The following ELAC2 variants were observed in gnomAD, a reference collection of about 807,000 sequenced individuals.
ELAC2 encodes elaC ribonuclease Z 2, also known as zinc phosphodiesterase ELAC protein 2.
Under a neutral mutation model 105.2 loss-of-function variants are expected in ELAC2, and 92 were observed. The observed-to-expected ratio is 0.87, with a 90% CI of 0.74 to 1.04. ELAC2 has a LOEUF of 1.04. ELAC2 is among the 50% of genes least tolerant of loss of function. The probability of loss-of-function intolerance (pLI) is 0.00; values close to 1 mark genes in which losing one functional copy is unlikely to be tolerated. For synonymous variants in ELAC2, 468 were observed against 409.1 expected (o/e 1.14, Z -1.74); for missense variants, 1,099 against 1,071.7 (o/e 1.03, Z -0.36).
chr17:13,006,914 G>A (rs2041140943), intron 8 of ELAC2, among the ~76,000 whole-genome samples: 1 of 151,980 alleles, frequency 6.6e-6, no homozygotes, highest in African/African-American at 2.4e-5. Flanking sequence ...GAGGTCAGGA[G>A]ATCAAGACCA....
rs941544472 is a variant in ELAC2, at chr17:12,994,840, A to G, written c.1953T>C (p.Cys651=). ...LVRHCKHAFG[C]ALVHTSGWKV... ...TCCAGCCAGAGGTGTGCACCAGCGC[A>G]CAGCCAAACGCATGCTTGCAGTGCC... The change falls in exon 21 of 24, where the codon TGT becomes TGC. Residue 651 remains cysteine (C), a synonymous_variant. Coordinates refer to ENST00000338034, the MANE Select transcript of ELAC2 (RefSeq NM_018127.7). 6.2e-7 allele frequency: 1 copy of G among 1,613,946 alleles called. No homozygotes were observed. Among genetic ancestry groups the G allele is most frequent in the Non-Finnish European group, 8.5e-7 (1 of 1,180,046 alleles).
rs1064795330 is a variant in ELAC2, at chr17:13,017,992, C to CCCGCGTTTCCCGTGCACCACCTAG, written c.-69_-46dup. ...CTGAGAAAGCCGCCGGTCACCTACG[C>CCCGCGTTTCCCGTGCACCACCTAG]CCGCGTTTCCCGTGCACCACCTAGC... On this transcript the variant is annotated 5_prime_UTR_variant, in exon 1 of 24. Transcript: ENST00000338034. 6.5e-7 allele frequency: 1 copy of CCCGCGTTTCCCGTGCACCACCTAG among 1,533,858 alleles called. No individual in the cohort carries two copies. The highest frequency in any genetic ancestry group is 8.7e-7 in the Non-Finnish European group (1 of 1,146,566).
In ELAC2 at chr17:12,998,437, C is replaced by T; in HGVS notation, c.1495G>A (p.Val499Ile). 1 of 1,614,224 alleles carries T rather than the reference C, an allele frequency of 6.2e-7. No individual in the cohort carries two copies. Among genetic ancestry groups the T allele is most frequent in the Non-Finnish European group, 8.5e-7 (1 of 1,180,028 alleles). Reference sequence around the variant, plus strand: ...CTTATGTTGACAAGTGTGGCACTGACATTTCGAATCTTCATCGGGATGGCA... The same window carrying T: ...CTTATGTTGACAAGTGTGGCACTGATATTTCGAATCTTCATCGGGATGGCA... ...GSAIPMKIRN[V>I]SATLVNISPD... Residue 499 changes from valine to isoleucine, a missense_variant, in exon 16 of 24, where the codon GTC becomes ATC. Coordinates refer to ENST00000338034, the MANE Select transcript of ELAC2 (RefSeq NM_018127.7).
chr17:13,006,116 A>T, intron 8 of ELAC2, 137 bp from the exon 9 acceptor site: 1 of 888,200 alleles, frequency 1.1e-6, no homozygotes, highest in Admixed American at 2.0e-5. Context: ...CACGCCTGTA[A>T]TTCCAGTACT....
intron 11 of ELAC2, among the ~76,000 whole-genome samples, chr17:13,004,353 A>T (rs2040990868): frequency 6.6e-6 from 1 of 152,246 alleles, no homozygotes; most frequent in African/African-American, 2.4e-5. Context: ...GGTAAGTAGA[A>T]AAAAACAAGT....
chr17:12,999,045 C>G (rs1439249730), intron 15 of ELAC2, among the ~76,000 whole-genome samples: 1 of 152,120 alleles, frequency 6.6e-6, no homozygotes, highest in Non-Finnish European at 1.5e-5. Flanking sequence ...ATAGTTCTAT[C>G]CAGCTTCCCA....
At chr17:13,012,892 CA>C (rs1368209623) in intron 6 of ELAC2, among the ~76,000 whole-genome samples, 3 of 152,102 alleles carry the variant, frequency 2.0e-5, no homozygotes, top group Admixed American at 2.0e-4. Flanking sequence ...ATCGTCTGAT[CA>C]AAAGAGGGTA....
intron 1 of ELAC2, 151 bp downstream of exon 1, chr17:13,017,552 G>T: frequency 1.4e-6 from 2 of 1,397,442 alleles, no homozygotes; most frequent in Non-Finnish European, 1.9e-6. Flanking sequence ...AAAGAATCTC[G>T]GATTTCCCAC....
chr17:13,008,450 T>G (rs1246674344), intron 8 of ELAC2, among the ~76,000 whole-genome samples: 1 of 151,894 alleles, frequency 6.6e-6, no homozygotes, highest in Non-Finnish European at 1.5e-5. Flanking sequence ...AGGCAGAGGT[T>G]GCAGTGAGCC....
chr17:13,003,471 C>G lies in ELAC2; in HGVS notation c.1079+8G>C. On this transcript the variant is annotated splice_region_variant and intron_variant, in intron 12 of 23. Transcript: ENST00000338034. ...TTACCCCAAGTGCCGCTGGGCTGGGCTCCATACCTCTCCATCCACTGCTGG... is the reference window on the plus strand; with the variant it reads ...TTACCCCAAGTGCCGCTGGGCTGGGGTCCATACCTCTCCATCCACTGCTGG... The G allele has an allele frequency of 1.2e-6, 2 of 1,613,976 alleles. No individual in the cohort carries two copies. The highest frequency in any genetic ancestry group is 1.7e-6 in the Non-Finnish European group (2 of 1,179,840).
At chr17:12,993,902 AC>A (rs1785739601) in intron 22 of ELAC2, 71 bp from the exon 23 acceptor site, 2 of 1,608,450 alleles carry the variant, frequency 1.2e-6, no homozygotes, top group Non-Finnish European at 1.7e-6. Flanking sequence ...AGTGGCACAG[AC>A]CCTGGCCATC....
chr17:13,005,017 GTTGAATGAAGCTTT>G lies in ELAC2; in HGVS notation c.941_954del (p.Glu314AlafsTer4). ...TGAAAGGTGGCATTCTCACAGATGGGTTGAATGAAGCTTTCATCTGGACATTCTACCACCACAAA... is the reference window on the plus strand; with the variant it reads ...TGAAAGGTGGCATTCTCACAGATGGGCATCTGGACATTCTACCACCACAAA... On this transcript the variant is annotated frameshift_variant, in exon 11 of 24. Coordinates refer to ENST00000338034, the MANE Select transcript of ELAC2 (RefSeq NM_018127.7). LOFTEE classifies it high-confidence loss of function. The G allele has an allele frequency of 6.2e-7, 1 of 1,614,076 alleles. No homozygotes were observed. The highest frequency in any genetic ancestry group is 8.5e-7 in the Non-Finnish European group (1 of 1,179,964).
chr17:12,995,204 C>A lies in ELAC2; in HGVS notation c.1809-142G>T, dbSNP rs571928216. 20 of 932,522 alleles carry A rather than the reference C, an allele frequency of 2.1e-5. 1 individual carries two copies. The South Asian group carries it at 2.8e-4, about 13-fold the overall frequency. The allele number at this position is 932,522 out of a possible 1,614,324, so 57.8% of individuals were successfully genotyped here. A position where few individuals can be genotyped will look rare whatever the true frequency, so the allele number is the denominator to read the frequency against. ...AATCATAGTCACTATGATGAGGAAA[C>A]AGCAGTCAAATATAAAGAGCCAAAC... On this transcript the variant is annotated intron_variant, in intron 19 of 23. Transcript: ENST00000338034.
chr17:13,011,288 T>G (rs1683329135), intron 7 of ELAC2, among the ~76,000 whole-genome samples: 1 of 152,260 alleles, frequency 6.6e-6, no homozygotes. Context: ...TCTCACTGAT[T>G]TGACTGTCTC....
intron 3 of ELAC2, 82 bp downstream of exon 3, chr17:13,016,780 C>A: frequency 3.4e-6 from 5 of 1,461,324 alleles, no homozygotes; most frequent in Non-Finnish European, 4.8e-6. Flanking sequence ...AGCTGCCCAC[C>A]CCAGACTTGG....
In ELAC2 at chr17:12,992,647, A is replaced by AGAC. The variant is rs1236772376; in HGVS notation, c.*168_*170dup. ...GGCACCAGTCCTAAGAGGCATCTAT[A>AGAC]GACTAGTGCTTATGTGGGAGCCCAA... On this transcript the variant is annotated 3_prime_UTR_variant, in exon 24 of 24. Transcript: ENST00000338034. 18 of 721,520 alleles carry AGAC rather than the reference A, an allele frequency of 2.5e-5. No homozygotes were observed. In the African/African-American group the frequency reaches 2.6e-4, roughly 11 times the overall value. 44.7% of individuals were successfully genotyped at this position (721,520 alleles called of 1,614,324 possible).
rs2040551522 is a variant in ELAC2 at position 12,997,809 on chromosome 17, G to A, written c.1520+603C>T. Reference sequence around the variant, plus strand: ...TTCACATACTATCTGTAGAGATAACGTGTACATGTCACAACGCATTTGACT... The same window carrying A: ...TTCACATACTATCTGTAGAGATAACATGTACATGTCACAACGCATTTGACT... On this transcript the variant is annotated intron_variant, in intron 16 of 23. Coordinates refer to ENST00000338034, the MANE Select transcript of ELAC2 (RefSeq NM_018127.7). Among the ~76,000 whole-genome samples the A allele has an allele frequency of 2.0e-5, 3 of 152,134 alleles. No individual in the cohort carries two copies. The South Asian group carries it at 6.2e-4, about 32-fold the overall frequency.
At chr17:13,011,533 G>A (rs771539398) in intron 7 of ELAC2, 130 bp downstream of exon 7, 71 of 1,489,384 alleles carry the variant, frequency 4.8e-5, no homozygotes, top group Admixed American at 3.6e-4. Context: ...CCAAGTTATA[G>A]TAAGCCCAGG....
chr17:12,998,373 GCC>G, intron 16 of ELAC2, 37 bp downstream of exon 16: 1 of 1,582,158 alleles, frequency 6.3e-7, no homozygotes, highest in Non-Finnish European at 8.7e-7. Flanking sequence ...AAGTAAACGT[GCC>G]CTTGATGGAA....
Sources: gnomAD v4.1 joint callset for allele counts (sites outside exome capture counted in the v4.1 genomes callset) on GRCh38, gnomAD v4.1.1 for gene constraint, MANE v1.5 for transcripts, NCBI Gene and HGNC (gene_info 2026-07-23, HGNC 2026-07-21) for gene names.